ETF1: variants seen among roughly 807,000 people sequenced by gnomAD.
ETF1 encodes the protein eukaryotic peptide chain release factor subunit 1.
A neutral mutation model predicts 55.1 loss-of-function variants in ETF1; 4 were observed. The ratio of observed to expected loss-of-function variants is 0.07; its 90% CI spans 0.04 to 0.17. ETF1 has a LOEUF of 0.17. Ranked by LOEUF, ETF1 falls within the 10% of genes least tolerant of loss-of-function variation. ETF1 has a pLI of 1.00. For synonymous variants in ETF1, 157 were observed against 182.3 expected (o/e 0.86, Z 1.12); for missense variants, 142 against 523.6 (o/e 0.27, Z 7.11).
intron 4 of ETF1, among the ~76,000 whole-genome samples, chr5:138,516,196 G>A (rs78019433): frequency 1.3e-5 from 2 of 152,312 alleles, no homozygotes; most frequent in East Asian, 3.9e-4. Context: ...CAATTGTTAT[G>A]TGAAAACTGA....
At chr5:138,524,759 G>A (rs934986793) in intron 2 of ETF1, among the ~76,000 whole-genome samples, 3 of 151,728 alleles carry the variant, frequency 2.0e-5, no homozygotes, top group African/African-American at 7.3e-5. Context: ...TGTATTTTTA[G>A]TAGAGATGGG....
At chr5:138,516,001 G>A (rs1174740944) in intron 4 of ETF1, among the ~76,000 whole-genome samples, 2 of 152,168 alleles carry the variant, frequency 1.3e-5, no homozygotes, top group East Asian at 3.8e-4. Context: ...GTTGATGAAA[G>A]GCAAGAGAAT....
chr5:138,519,255 C>A (rs1765138833), intron 2 of ETF1: 1 of 923,100 alleles, frequency 1.1e-6, no homozygotes, highest in East Asian at 1.2e-4. Flanking sequence ...GACGCCATGA[C>A]AGGATGATGC....
chr5:138,520,281 G>A (rs1414585689), intron 2 of ETF1, among the ~76,000 whole-genome samples: 1 of 151,134 alleles, frequency 6.6e-6, no homozygotes, highest in Non-Finnish European at 1.5e-5. Flanking sequence ...TCTCACAGAA[G>A]TAGAATGATT....
chr5:138,511,659 T>C lies in ETF1; in HGVS notation c.733-55A>G, dbSNP rs1764792196. The C allele has an allele frequency of 3.3e-6, 5 of 1,520,150 alleles. No homozygotes were observed. In the South Asian group the frequency reaches 5.2e-5, roughly 16 times the overall value. The allele number at this position is 1,520,150 out of a possible 1,614,324, so 94.2% of individuals were successfully genotyped here. On this transcript the variant is annotated intron_variant, in intron 6 of 10. Transcript: ENST00000360541. ...TTACTGGTACTTATTTAAAATATTA[T>C]TAAAACACCTTTACTCAAACCCACT...
At chr5:138,514,371 T>C (rs1042183640) in intron 4 of ETF1, among the ~76,000 whole-genome samples, 4 of 152,062 alleles carry the variant, frequency 2.6e-5, no homozygotes, top group Non-Finnish European at 4.4e-5. Flanking sequence ...CTGGGCAACA[T>C]AGCGAAACAC....
chr5:138,514,222 G>T (rs1273284713), intron 4 of ETF1, among the ~76,000 whole-genome samples: 1 of 152,144 alleles, frequency 6.6e-6, no homozygotes, highest in Non-Finnish European at 1.5e-5. Flanking sequence ...GGGGGAACAA[G>T]GAATTATTGC....
chr5:138,518,977 G>A (rs1416579078), intron 2 of ETF1, 110 bp from the exon 3 acceptor site: 1 of 1,533,654 alleles, frequency 6.5e-7, no homozygotes, highest in Non-Finnish European at 8.8e-7. Flanking sequence ...TATGGAAACA[G>A]GTCACTCTCA....
rs1458678357 is a variant in ETF1, at chr5:138,512,248, ATATATATATATTTTTTTTTTT to A, written c.732+495_732+515del. On this transcript the variant is annotated intron_variant, in intron 6 of 10. Coordinates refer to ENST00000360541, the MANE Select transcript of ETF1 (RefSeq NM_004730.4). ...AAAATATATATATATATATATATATATATATATATATTTTTTTTTTTTTTTAAAGGCAATTTCTTTGGTGGA... is the reference window on the plus strand; with the variant it reads ...AAAATATATATATATATATATATATATTTTAAAGGCAATTTCTTTGGTGGA... Among the ~76,000 whole-genome samples the A allele has an allele frequency of 5.6e-3, 66 of 11,862 alleles. 2 individuals carry two copies. In the East Asian group the frequency reaches 0.094, roughly 17 times the overall value. The allele number at this position is 11,862 out of a possible 152,430, so 7.8% of individuals were successfully genotyped here.
chr5:138,510,530 G>T, intron 9 of ETF1, 35 bp downstream of exon 9: 1 of 1,500,594 alleles, frequency 6.7e-7, no homozygotes, highest in Non-Finnish European at 9.3e-7. Flanking sequence ...ATTTACGCTT[G>T]CACGTATCAT....
At chr5:138,541,673 T>C in intron 2 of ETF1, 1 of 1,407,274 alleles carries the variant, frequency 7.1e-7, no homozygotes, top group East Asian at 3.1e-5. Flanking sequence ...TGTGCTGAAA[T>C]CAACTTTTCA....
chr5:138,542,757 C>T, intron 2 of ETF1, 76 bp downstream of exon 2: 1 of 1,577,240 alleles, frequency 6.3e-7, no homozygotes, highest in Non-Finnish European at 8.6e-7. Context: ...CTCATCCGGC[C>T]ATGCGGCGCG....
rs1416114520 is a variant in ETF1, at chr5:138,512,246, ATATATATATATATT to A, written c.732+504_732+517del. Among the ~76,000 whole-genome samples the A allele has an allele frequency of 3.5e-3, 33 of 9,312 alleles. 2 individuals carry two copies. Among genetic ancestry groups the A allele is most frequent in the African/African-American group, 9.8e-3 (32 of 3,274 alleles). 6.1% of individuals were successfully genotyped at this position (9,312 alleles called of 152,430 possible). A position where few individuals can be genotyped will look rare whatever the true frequency, so the allele number is the denominator to read the frequency against. On this transcript the variant is annotated intron_variant, in intron 6 of 10. Coordinates refer to ENST00000360541, the MANE Select transcript of ETF1 (RefSeq NM_004730.4). ...AAAAAATATATATATATATATATAT[ATATATATATATATT>A]TTTTTTTTTTTTTAAAGGCAATTTC...
intron 9 of ETF1, 114 bp downstream of exon 9, chr5:138,510,451 A>C: frequency 1.9e-6 from 1 of 521,672 alleles, no homozygotes; most frequent in Non-Finnish European, 3.6e-6. Context: ...CTCCCACAGC[A>C]CCCCCAATTA....
chr5:138,541,586 G>A, intron 2 of ETF1: 3 of 1,533,138 alleles, frequency 2.0e-6, no homozygotes, highest in Non-Finnish European at 2.6e-6. Context: ...TGAAGAGCTT[G>A]GAGGGGCTGT....
Position 138,523,395 on chromosome 5 carries a change from G to A in ETF1, c.87-4528C>T, listed in dbSNP as rs148965197. On this transcript the variant is annotated intron_variant, in intron 2 of 10. Coordinates refer to ENST00000360541, the MANE Select transcript of ETF1 (RefSeq NM_004730.4). Reference sequence around the variant, plus strand: ...GAAAAAACAAAAAAATTAGCCGAGCGTGGTGGCATGTGCCTGTAGTCCCAG... The same window carrying A: ...GAAAAAACAAAAAAATTAGCCGAGCATGGTGGCATGTGCCTGTAGTCCCAG... Among the ~76,000 whole-genome samples the A allele has an allele frequency of 5.7e-3, 869 of 152,064 alleles. 8 individuals are homozygous for A. Among genetic ancestry groups the A allele is most frequent in the African/African-American group, 0.02 (825 of 41,496 alleles).
chr5:138,510,973 T>A, intron 8 of ETF1, 72 bp downstream of exon 8: 1 of 1,565,502 alleles, frequency 6.4e-7, no homozygotes, highest in Non-Finnish European at 8.6e-7. Context: ...AAATCAGCCA[T>A]CCCTCCCAAA....
At chr5:138,539,143 A>G (rs1365901055) in intron 2 of ETF1, among the ~76,000 whole-genome samples, 3 of 152,232 alleles carry the variant, frequency 2.0e-5, no homozygotes, top group Admixed American at 6.5e-5. Context: ...TTCCTAGTGA[A>G]GATAAGTGAA....
intron 2 of ETF1, among the ~76,000 whole-genome samples, chr5:138,527,109 T>G (rs991631434): frequency 2.0e-5 from 3 of 152,174 alleles, no homozygotes; most frequent in Admixed American, 6.5e-5. Context: ...AGTGCTAGGA[T>G]TACAGGTGTG....
Sources: gnomAD v4.1 joint callset for allele counts (sites outside exome capture counted in the v4.1 genomes callset) on GRCh38, gnomAD v4.1.1 for gene constraint, MANE v1.5 for transcripts, NCBI Gene and HGNC (gene_info 2026-07-23, HGNC 2026-07-21) for gene names.